Variants in BCAS3 observed in about 807,000 individuals in gnomAD.
BCAS3 encodes BCAS3 microtubule associated cell migration factor.
BCAS3 carries 53 observed loss-of-function variants against 116.1 expected under a neutral mutation model. The observed-to-expected ratio is 0.46, with a 90% CI of 0.37 to 0.57. BCAS3 has a LOEUF of 0.57. Ranked by LOEUF, BCAS3 falls within the 20% of genes least tolerant of loss-of-function variation. BCAS3 has a pLI of 0.00. For missense variants in BCAS3, 917 were observed against 1,165.4 expected (o/e 0.79, Z 3.10); for synonymous variants, 391 against 408.2 (o/e 0.96, Z 0.51).
rs1489690666 is a variant in BCAS3 at position 61,068,569 on chromosome 17, C to T, written c.2030-6351C>T. On this transcript the variant is annotated intron_variant, in intron 19 of 23. Coordinates refer to ENST00000407086, the MANE Select transcript of BCAS3 (RefSeq NM_017679.5). This position sits in a 1 kb window ranked among gnomAD's most constrained non-coding sequence, Gnocchi z 4.3. ...GCTATGGAGAACATGGTAAGGTTGTCACAGACCTGGCTGTACAGACACACT... is the reference window on the plus strand; with the variant it reads ...GCTATGGAGAACATGGTAAGGTTGTTACAGACCTGGCTGTACAGACACACT... Among the ~76,000 whole-genome samples the T allele has an allele frequency of 1.3e-5, 2 of 152,188 alleles. No individual in the cohort carries two copies. The highest frequency in any genetic ancestry group is 1.3e-4 in the Admixed American group (2 of 15,284).
Position 60,964,996 on chromosome 17 carries a change from C to T in BCAS3, c.1221+17644C>T, listed in dbSNP as rs1241786144. On this transcript the variant is annotated intron_variant, in intron 14 of 23. Transcript: ENST00000407086. This position sits in a 1 kb window ranked among gnomAD's most constrained non-coding sequence, Gnocchi z 4.6. ...CATTTTTGAAAACCAATGTTTTGTT[C>T]TATTGATCTGTATTTCTTTTTAGCT... Among the ~76,000 whole-genome samples, 2 of 151,838 alleles carry T rather than the reference C, an allele frequency of 1.3e-5. No homozygotes were observed. Among genetic ancestry groups the T allele is most frequent in the Non-Finnish European group, 2.9e-5 (2 of 67,940 alleles).
chr17:60,918,675 T>C (rs552853516), intron 12 of BCAS3, among the ~76,000 whole-genome samples: 3 of 151,754 alleles, frequency 2.0e-5, no homozygotes, highest in Non-Finnish European at 4.4e-5. Flanking sequence ...ATCTAGTCTA[T>C]TGTTGAAGCT....
intron 22 of BCAS3, among the ~76,000 whole-genome samples, chr17:61,270,971 C>T (rs1221768534): frequency 1.3e-5 from 2 of 151,624 alleles, no homozygotes; most frequent in Non-Finnish European, 2.9e-5. Flanking sequence ...GTTGGTCAGC[C>T]TGGTCTCGAA....
chr17:60,868,690 A>T lies in BCAS3; in HGVS notation c.584+7A>T. 1 of 1,535,928 alleles carries T rather than the reference A, an allele frequency of 6.5e-7. No individual in the cohort carries two copies. Among genetic ancestry groups the T allele is most frequent in the East Asian group, 2.3e-5 (1 of 42,642 alleles). On this transcript the variant is annotated splice_region_variant and intron_variant, in intron 8 of 23. Coordinates refer to ENST00000407086, the MANE Select transcript of BCAS3 (RefSeq NM_017679.5). ...ATCTCCATTGCAATAAACGGTAAGG[A>T]TTTTTTCATGGGTTTCTTGTGTAAA...
At chr17:60,987,158 T>C (rs1245711199) in intron 14 of BCAS3, 1 of 152,172 alleles carries the variant, frequency 6.6e-6, no homozygotes, top group Admixed American at 6.5e-5. Flanking sequence ...TAGATTTGTT[T>C]CTTGGTTCTC....
intron 22 of BCAS3, among the ~76,000 whole-genome samples, chr17:61,335,116 T>C (rs554186317): frequency 2.6e-5 from 4 of 152,212 alleles, no homozygotes; most frequent in Non-Finnish European, 5.9e-5. Flanking sequence ...TTTCAGCCCA[T>C]TTCTTTTTCT....
intron 6 of BCAS3, among the ~76,000 whole-genome samples, chr17:60,784,538 T>C (rs1259914159): frequency 1.3e-5 from 2 of 151,494 alleles, no homozygotes; most frequent in Non-Finnish European, 2.9e-5. Context: ...CTCTTGACTT[T>C]GTAATCTGCT....
chr17:61,155,292 G>A (rs141140468), intron 22 of BCAS3, among the ~76,000 whole-genome samples: 4 of 152,182 alleles, frequency 2.6e-5, no homozygotes, highest in East Asian at 1.9e-4. Flanking sequence ...GTGGGCCAAC[G>A]AAAACACTGT....
intron 22 of BCAS3, among the ~76,000 whole-genome samples, chr17:61,263,255 C>T (rs1780551014): frequency 6.6e-6 from 1 of 152,202 alleles, no homozygotes; most frequent in South Asian, 2.1e-4. Flanking sequence ...GTTAGCACCC[C>T]TGGGCCTGAA....
In BCAS3 at chr17:61,318,861, C is replaced by T. The variant is rs550976202; in HGVS notation, c.2426-49466C>T. On this transcript the variant is annotated intron_variant, in intron 22 of 23. Coordinates refer to ENST00000407086, the MANE Select transcript of BCAS3 (RefSeq NM_017679.5). ...TCCTTCCCGTTGGTATGATAATAGC[C>T]GCAGCTATATTGGCCATGTGCTAGC... Among the ~76,000 whole-genome samples, 10 of 152,256 alleles carry T rather than the reference C, an allele frequency of 6.6e-5. No homozygotes were observed. The East Asian group carries it at 1.5e-3, about 24-fold the overall frequency.
At chr17:61,176,861 C>T (rs772825869) in intron 22 of BCAS3, among the ~76,000 whole-genome samples, 9 of 152,162 alleles carry the variant, frequency 5.9e-5, no homozygotes, top group Admixed American at 2.0e-4. Context: ...GCACTCTGGC[C>T]TCAATCTTTT....
chr17:60,681,345 CA>C (rs2033073953), intron 2 of BCAS3, among the ~76,000 whole-genome samples: 1 of 151,530 alleles, frequency 6.6e-6, no homozygotes, highest in African/African-American at 2.4e-5. Flanking sequence ...ACTAAAAATA[CA>C]AAACTTAGCT....
Position 61,084,392 on chromosome 17 carries a change from G to A in BCAS3, c.2328-75G>A. The A allele has an allele frequency of 8.1e-7, 1 of 1,231,258 alleles. No homozygotes were observed. Among genetic ancestry groups the A allele is most frequent in the East Asian group, 2.4e-5 (1 of 42,298 alleles). The allele number at this position is 1,231,258 out of a possible 1,614,324, so 76.3% of individuals were successfully genotyped here. On this transcript the variant is annotated intron_variant, in intron 21 of 23. Coordinates refer to ENST00000407086, the MANE Select transcript of BCAS3 (RefSeq NM_017679.5). This position sits in a 1 kb window ranked among gnomAD's most constrained non-coding sequence, Gnocchi z 5.5. ...TGGATTGTGCTACTCCAGCATTCCT[G>A]ATTTAAGGTCATTTGTAGCAAGTGA...
intron 7 of BCAS3, among the ~76,000 whole-genome samples, chr17:60,823,893 T>C (rs1234936835): frequency 6.6e-6 from 1 of 152,164 alleles, no homozygotes; most frequent in East Asian, 1.9e-4. Context: ...TACCATAGTG[T>C]TGAGGAAAAG....
rs74671202 is a variant in BCAS3, at chr17:61,344,332, T to C, written c.2426-23995T>C. Among the ~76,000 whole-genome samples the C allele has an allele frequency of 1.9e-3, 286 of 152,240 alleles. 7 individuals carry two copies. In the East Asian group the frequency reaches 0.045, roughly 24 times the overall value. On this transcript the variant is annotated intron_variant, in intron 22 of 23. Transcript: ENST00000407086. The surrounding 1 kb of genome is among the most constrained non-coding windows in gnomAD (Gnocchi z 4.1). ...AGAGACATGGGCCTCTTCAACCAAG[T>C]CTCTGGGTCTTCTTGTCAAGACTAA... is the stretch of plus-strand genomic sequence containing the variant.
At chr17:61,269,972 T>G (rs1211821466) in intron 22 of BCAS3, among the ~76,000 whole-genome samples, 6 of 151,698 alleles carry the variant, frequency 4.0e-5, no homozygotes, top group Non-Finnish European at 7.4e-5. Context: ...CCTGGCTAAA[T>G]TTTTGTATTT....
At chr17:61,164,871 G>C (rs1446770794) in intron 22 of BCAS3, among the ~76,000 whole-genome samples, 2 of 152,200 alleles carry the variant, frequency 1.3e-5, no homozygotes, top group Admixed American at 6.5e-5. Flanking sequence ...TGATGGATAA[G>C]ATACCTGTTC....
chr17:60,687,483 A>G (rs1311362315), intron 3 of BCAS3, among the ~76,000 whole-genome samples: 1 of 152,202 alleles, frequency 6.6e-6, no homozygotes, highest in Non-Finnish European at 1.5e-5. Flanking sequence ...GCACACCTGT[A>G]GTCCCAGCTA....
chr17:60,682,920 G>A (rs2033401357), intron 2 of BCAS3, among the ~76,000 whole-genome samples: 1 of 152,086 alleles, frequency 6.6e-6, no homozygotes, highest in Non-Finnish European at 1.5e-5. Context: ...TTAATTAACA[G>A]TGTTATTTTT....
Sources: gnomAD v4.1 joint callset for allele counts (sites outside exome capture counted in the v4.1 genomes callset) on GRCh38, gnomAD v4.1.1 for gene constraint, Gnocchi (gnomAD v3.1) non-coding constraint, MANE v1.5 for transcripts, NCBI Gene and HGNC (gene_info 2026-07-23, HGNC 2026-07-21) for gene names.